MCPH1: variants seen among roughly 807,000 people sequenced by gnomAD.
The protein encoded by MCPH1 is microcephalin.
Under a neutral mutation model 84.5 loss-of-function variants are expected in MCPH1, and 104 were observed. That is an observed-to-expected ratio of 1.23 (90% CI 1.05 to 1.45). MCPH1 has a LOEUF of 1.45. MCPH1 is among the 40% of genes most tolerant of loss of function. MCPH1 has a pLI of 0.00. For missense variants in MCPH1, 1,498 were observed against 1,005.7 expected (o/e 1.49, Z -6.62); for synonymous variants, 514 against 366.8 (o/e 1.40, Z -4.58).
intron 9 of MCPH1, among the ~76,000 whole-genome samples, chr8:6,456,259 C>T (rs959050301): frequency 7.2e-5 from 11 of 152,108 alleles, no homozygotes; most frequent in Admixed American, 1.3e-4. Context: ...ATGTTTGTGG[C>T]GTGGGCAACA....
chr8:6,452,763 C>T (rs1414942084), intron 8 of MCPH1, among the ~76,000 whole-genome samples: 5 of 152,204 alleles, frequency 3.3e-5, no homozygotes, highest in Admixed American at 1.3e-4. Flanking sequence ...AAGCCTTCAC[C>T]GGAACCCGAC....
chr8:6,492,417 G>A (rs1052083170), intron 11 of MCPH1, among the ~76,000 whole-genome samples: 1 of 151,572 alleles, frequency 6.6e-6, no homozygotes, highest in Non-Finnish European at 1.5e-5. Context: ...CTCACATTCT[G>A]TAGGTTGCCT....
At chr8:6,533,010 C>T (rs1309781277) in intron 12 of MCPH1, among the ~76,000 whole-genome samples, 1 of 152,242 alleles carries the variant, frequency 6.6e-6, no homozygotes, top group Non-Finnish European at 1.5e-5. Context: ...TTTTAACCTA[C>T]GGAATCACCA....
At chr8:6,449,063 G>A (rs1346883233) in intron 8 of MCPH1, among the ~76,000 whole-genome samples, 4 of 152,114 alleles carry the variant, frequency 2.6e-5, no homozygotes, top group East Asian at 1.9e-4. Context: ...AACATTGATT[G>A]CAAATGTTTA....
chr8:6,641,110 T>A (rs923635865), intron 13 of MCPH1, among the ~76,000 whole-genome samples: 2 of 152,234 alleles, frequency 1.3e-5, no homozygotes, highest in Admixed American at 1.3e-4. Context: ...TTCTTTCCTA[T>A]AAACTTTAGA....
At chr8:6,610,309 A>C (rs1363956658) in intron 12 of MCPH1, among the ~76,000 whole-genome samples, 1 of 152,226 alleles carries the variant, frequency 6.6e-6, no homozygotes, top group Non-Finnish European at 1.5e-5. Flanking sequence ...ACAAACTCTA[A>C]GTTACAATCA....
At chr8:6,577,175 G>A (rs1323500095) in intron 12 of MCPH1, among the ~76,000 whole-genome samples, 3 of 152,188 alleles carry the variant, frequency 2.0e-5, no homozygotes, top group Non-Finnish European at 2.9e-5. Context: ...CGTTAATCCA[G>A]GTGGCCAGCG....
chr8:6,458,333 G>A (rs1180596054), intron 9 of MCPH1, among the ~76,000 whole-genome samples: 5 of 151,840 alleles, frequency 3.3e-5, no homozygotes, highest in East Asian at 3.9e-4. Context: ...TTAGCTGGGC[G>A]TAGTGGCGGG....
At position 6,621,801 on chromosome 8, in the gene MCPH1, G is replaced by T. The variant is rs552998620; in HGVS notation, c.2452+110G>T. 17 of 1,445,090 alleles carry T rather than the reference G, an allele frequency of 1.2e-5. No homozygotes were observed. In the South Asian group the frequency reaches 2.0e-4, roughly 17 times the overall value. The allele number at this position is 1,445,090 out of a possible 1,614,324, so 89.5% of individuals were successfully genotyped here. ...CCTTCCACGCAGCTGGGGCACCTGG[G>T]TTGATGTCTCAGCCTCCAGCATCTG... On this transcript the variant is annotated intron_variant, in intron 13 of 13. Transcript: ENST00000344683.
chr8:6,499,576 T>C (rs935760403), intron 11 of MCPH1: 7 of 210,634 alleles, frequency 3.3e-5, no homozygotes, highest in South Asian at 2.5e-4. Flanking sequence ...ATATTTCATA[T>C]GTGTAAAAAC....
At chr8:6,569,506 C>A (rs1826486769) in intron 12 of MCPH1, among the ~76,000 whole-genome samples, 2 of 152,056 alleles carry the variant, frequency 1.3e-5, no homozygotes, top group Non-Finnish European at 2.9e-5. Context: ...CAAAAAAGTA[C>A]CAAAGGAAAG....
chr8:6,564,218 G>C (rs955439132), intron 12 of MCPH1, among the ~76,000 whole-genome samples: 1 of 152,064 alleles, frequency 6.6e-6, no homozygotes. Flanking sequence ...CCTTGTGATC[G>C]ACTCGCCTTT....
Position 6,406,630 on chromosome 8 carries a change from C to T in MCPH1, c.-38C>T. On this transcript the variant is annotated 5_prime_UTR_variant, in exon 1 of 14. Coordinates refer to ENST00000344683, the MANE Select transcript of MCPH1 (RefSeq NM_024596.5). ...CCGCGCGCGCCGCCAGGCTCGCAAG[C>T]ACCGCGTAGGCCAGCTGGCCGGATC... 2 of 1,608,838 alleles carry T rather than the reference C, an allele frequency of 1.2e-6. No homozygotes were observed. The highest frequency in any genetic ancestry group is 1.7e-6 in the Non-Finnish European group (2 of 1,178,364).
At position 6,536,585 on chromosome 8, in the gene MCPH1, A is replaced by G. The variant is rs115403415; in HGVS notation, c.2214+36656A>G. Reference sequence around the variant, plus strand: ...TCTATCTTCTGGGAGCATCCTGACAAAAGAATCTGTGTTTTCTTCCAAAGA... The same window carrying G: ...TCTATCTTCTGGGAGCATCCTGACAGAAGAATCTGTGTTTTCTTCCAAAGA... On this transcript the variant is annotated intron_variant, in intron 12 of 13. Coordinates refer to ENST00000344683, the MANE Select transcript of MCPH1 (RefSeq NM_024596.5). Among the ~76,000 whole-genome samples, 717 of 152,320 alleles carry G rather than the reference A, an allele frequency of 4.7e-3. 5 individuals are homozygous for G. The highest frequency in any genetic ancestry group is 0.017 in the African/African-American group (689 of 41,562).
Position 6,598,017 on chromosome 8 carries a change from G to C in MCPH1, c.2215-23437G>C, listed in dbSNP as rs145339667. ...TGAATAAACAGCCACATTTCCAGAT[G>C]ACGATGTCCTTTTCCAGCCAACATC... On this transcript the variant is annotated intron_variant, in intron 12 of 13. Transcript: ENST00000344683. Among the ~76,000 whole-genome samples, 423 of 152,308 alleles carry C rather than the reference G, an allele frequency of 2.8e-3. 1 individual carries two copies. The highest frequency in any genetic ancestry group is 4.8e-3 in the South Asian group (23 of 4,824).
intron 12 of MCPH1, among the ~76,000 whole-genome samples, chr8:6,512,600 C>A (rs3020216): frequency 0.37 from 55,794 of 151,968 alleles, 10,464 homozygotes; most frequent in Middle Eastern, 0.49. Flanking sequence ...CTCTGCCCCT[C>A]CCGTTGCACA....
chr8:6,568,235 G>A (rs185252983), intron 12 of MCPH1, among the ~76,000 whole-genome samples: 4 of 119,444 alleles, frequency 3.3e-5, no homozygotes, highest in African/African-American at 8.6e-5. Context: ...TGGGTGGCGC[G>A]TGGACCCATC....
intron 12 of MCPH1, among the ~76,000 whole-genome samples, chr8:6,515,328 A>T (rs1816044611): frequency 6.6e-6 from 1 of 152,072 alleles, no homozygotes; most frequent in South Asian, 2.1e-4. Flanking sequence ...GTGCAATACT[A>T]ATCAGATTTT....
At chr8:6,477,409 C>G in intron 9 of MCPH1, 185 bp from the exon 10 acceptor site, 2 of 596,704 alleles carry the variant, frequency 3.4e-6, no homozygotes, top group Admixed American at 3.0e-5. Context: ...GGGACAGTAT[C>G]TGAGTTTCTA....
Sources: gnomAD v4.1 joint callset for allele counts (sites outside exome capture counted in the v4.1 genomes callset) on GRCh38, gnomAD v4.1.1 for gene constraint, MANE v1.5 for transcripts, NCBI Gene and HGNC (gene_info 2026-07-23, HGNC 2026-07-21) for gene names.